Variants in CENPN observed in about 807,000 individuals in gnomAD.
CENPN encodes centromere protein N.
Under a neutral mutation model 48.6 loss-of-function variants are expected in CENPN, and 36 were observed. That is an observed-to-expected ratio of 0.74 (90% CI 0.57 to 0.98). The LOEUF is 0.98. Ranked by LOEUF, CENPN falls within the 50% of genes least tolerant of loss-of-function variation. The pLI is 0.00. For synonymous variants in CENPN, 166 were observed against 135.2 expected (o/e 1.23, Z -1.58); for missense variants, 439 against 399.2 (o/e 1.10, Z -0.85).
chr16:81,024,670 T>C (rs763973569), intron 7 of CENPN, 45 bp from the exon 8 acceptor site: 3 of 1,284,142 alleles, frequency 2.3e-6, no homozygotes, highest in Admixed American at 4.1e-5. Flanking sequence ...ATATCTGTAC[T>C]TCAAGATGTC....
In CENPN at chr16:81,020,191, C is replaced by G. The variant is rs972935746; in HGVS notation, c.446C>G (p.Pro149Arg). 2 of 1,614,000 alleles carry G rather than the reference C, an allele frequency of 1.2e-6. No individual in the cohort carries two copies. The highest frequency in any genetic ancestry group is 1.7e-6 in the Non-Finnish European group (2 of 1,179,994). The stretch of plus-strand genomic sequence containing the variant: ...TACACAAAGCCAAACCAGTACAAAC[C>G]TACCTACGTGGTGTACTACTCCCAG... ...TQYTKPNQYKPTYVVYYSQTP... is the reference protein window; with the variant it reads ...TQYTKPNQYKRTYVVYYSQTP... The change falls in exon 6 of 11, where the codon CCT becomes CGT. Residue 149 changes from proline to arginine, a missense_variant. Transcript: ENST00000305850.
chr16:81,020,259 A>T lies in CENPN; in HGVS notation c.514A>T (p.Thr172Ser). The change falls in exon 6 of 11, where the codon ACA becomes TCA. Residue 172 changes from threonine (T) to serine (S), a missense_variant. Thr to Ser is a moderately conservative substitution (Grantham distance 58). Transcript: ENST00000305850. ...GTCCTCCTCCATGCTGAGGCGCAATACACCGCTTCTGGGTCAGGTATGGAA... is the reference window on the plus strand; with the variant it reads ...GTCCTCCTCCATGCTGAGGCGCAATTCACCGCTTCTGGGTCAGGTATGGAA... ...FTSSSMLRRN[T>S]PLLGQALTIA... 6.2e-7 allele frequency: 1 copy of T among 1,610,062 alleles called. No homozygotes were observed. The highest frequency in any genetic ancestry group is 1.1e-5 in the South Asian group (1 of 89,828).
chr16:81,012,121 T>G lies in CENPN; in HGVS notation c.171+11T>G, dbSNP rs764398544. ...ATCCATCTGTGTGAGGTAACAGTGT[T>G]AAAAATGATGAGCCTTGAACAGAGT... On this transcript the variant is annotated intron_variant, in intron 2 of 10. Transcript: ENST00000305850. The G allele has an allele frequency of 3.7e-6, 6 of 1,612,738 alleles. No homozygotes were observed. The African/African-American group carries it at 6.7e-5, about 18-fold the overall frequency.
At chr16:81,032,247 A>G (rs902797809), downstream of CENPN, among the ~76,000 whole-genome samples, 2 of 152,236 alleles carry the variant, frequency 1.3e-5, no homozygotes, top group African/African-American at 2.4e-5. Context: ...ATAGAGCCAC[A>G]TATGGATGGA....
chr16:81,023,561 C>T (rs1271429097), intron 7 of CENPN: 1 of 152,080 alleles, frequency 6.6e-6, no homozygotes, highest in African/African-American at 2.4e-5. Flanking sequence ...ATTTTTTAAA[C>T]TTAGATCATG....
At position 81,012,009 on chromosome 16, in the gene CENPN, A is replaced by G. The variant is rs367832580; in HGVS notation, c.70A>G (p.Ile24Val). Residue 24 changes from isoleucine (I) to valine (V), a missense_variant, in exon 2 of 11, where the codon ATC becomes GTC. Coordinates refer to ENST00000305850, the MANE Select transcript of CENPN (RefSeq NM_001100624.3). ...LKIPMNELTTILKAWDFLSEN... is the reference protein window; with the variant it reads ...LKIPMNELTTVLKAWDFLSEN... ...AATCCCCATGAATGAACTGACAACA[A>G]TCCTGAAGGCCTGGGATTTTTTGTC... is the stretch of plus-strand genomic sequence containing the variant. 2.0e-5 allele frequency: 32 copies of G among 1,614,072 alleles called. No homozygotes were observed. The highest frequency in any genetic ancestry group is 3.3e-5 in the Admixed American group (2 of 60,010).
chr16:81,022,452 C>G, intron 6 of CENPN, 145 bp from the exon 7 acceptor site: 1 of 653,914 alleles, frequency 1.5e-6, no homozygotes, highest in Non-Finnish European at 2.6e-6. Context: ...AGCTCAGTAA[C>G]AGGCTATCAG....
intron 9 of CENPN, among the ~76,000 whole-genome samples, chr16:81,027,017 G>C (rs752650173): frequency 6.6e-6 from 1 of 151,788 alleles, no homozygotes; most frequent in African/African-American, 2.4e-5. Context: ...GACTGGTCTC[G>C]AACGGCTGGC....
intron 1 of CENPN, among the ~76,000 whole-genome samples, chr16:81,011,218 C>G (rs1347190565): frequency 6.6e-6 from 1 of 152,202 alleles, no homozygotes; most frequent in Admixed American, 6.5e-5. Flanking sequence ...CCACATGACT[C>G]CTTCTCCTAC....
rs373453845 is a variant in CENPN at position 81,019,207 on chromosome 16, C to G, written c.355-893C>G. Reference sequence around the variant, plus strand: ...ACATAGAAATCTTCTTTTTCTTCTTCTTTTTGTTTTGTTTTTGTTTTTTTT... The same window carrying G: ...ACATAGAAATCTTCTTTTTCTTCTTGTTTTTGTTTTGTTTTTGTTTTTTTT... On this transcript the variant is annotated intron_variant, in intron 5 of 10. Transcript: ENST00000305850. Among the ~76,000 whole-genome samples the G allele has an allele frequency of 2.2e-4, 34 of 151,940 alleles. No homozygotes were observed. The East Asian group carries it at 4.6e-3, about 21-fold the overall frequency.
At chr16:81,017,239 CCA>C in intron 3 of CENPN, 85 bp from the exon 4 acceptor site, 1 of 858,868 alleles carries the variant, frequency 1.2e-6, no homozygotes. Flanking sequence ...GTTACTTTCC[CCA>C]GTTTTAAAGT....
rs1188851089 is a variant in CENPN at position 81,026,577 on chromosome 16, G to A, written c.749G>A (p.Arg250Gln). The A allele has an allele frequency of 1.7e-5, 28 of 1,607,530 alleles. No individual in the cohort carries two copies. The highest frequency in any genetic ancestry group is 4.5e-5 in the East Asian group (2 of 44,616). Reference protein sequence around the residue: ...ENIVEKERVQRITQETFGDYP... With the variant: ...ENIVEKERVQQITQETFGDYP... ...ATAGTAGAAAAAGAGAGAGTCCAAC[G>A]AATAACTCAAGAAACATTTGGAGAT... The change falls in exon 9 of 11, where the codon CGA (arginine) becomes CAA (glutamine). Residue 250 changes from arginine (R) to glutamine (Q), a missense_variant. By Grantham distance (43) the Arg-to-Gln change is conservative. Transcript: ENST00000305850.
intron 6 of CENPN, 118 bp downstream of exon 6, chr16:81,020,394 G>T: frequency 9.9e-7 from 1 of 1,010,884 alleles, no homozygotes; most frequent in South Asian, 2.1e-5. Context: ...GCAGTGGCAT[G>T]TACCTGTGGT....
At chr16:81,026,067 A>ATGTGTG (rs537056825) in intron 8 of CENPN, among the ~76,000 whole-genome samples, 11,783 of 135,612 alleles carry the variant, frequency 0.087, 528 homozygotes, top group Middle Eastern at 0.12. Flanking sequence ...ATATATATAT[A>ATGTGTG]TATGTGTGTG....
At chr16:81,010,302 T>C (rs947818092) in intron 1 of CENPN, among the ~76,000 whole-genome samples, 10 of 152,160 alleles carry the variant, frequency 6.6e-5, no homozygotes, top group Non-Finnish European at 1.2e-4. Flanking sequence ...GTAGCAGACG[T>C]GAGATCAGCT....
At chr16:81,032,571 A>G, downstream of CENPN, 1 of 1,579,236 alleles carries the variant, frequency 6.3e-7, no homozygotes, top group African/African-American at 1.4e-5. Flanking sequence ...TTTTTTTAGC[A>G]CTTGTTTGCA....
At position 81,030,381 on chromosome 16, in the gene CENPN, T is replaced by C. The variant is rs1348477962; in HGVS notation, c.*1730T>C. ...GGTTTCTCCTAGTGTACTCTCACACTTCTGATACCAGATATGTGGGGGAGG... is the reference window on the plus strand; with the variant it reads ...GGTTTCTCCTAGTGTACTCTCACACCTCTGATACCAGATATGTGGGGGAGG... On this transcript the variant is annotated 3_prime_UTR_variant, in exon 11 of 11. Transcript: ENST00000305850. 1 of 985,022 alleles carries C rather than the reference T, an allele frequency of 1.0e-6. No individual in the cohort carries two copies. The allele number at this position is 985,022 out of a possible 1,614,324, so 61.0% of individuals were successfully genotyped here.
At chr16:81,008,494 C>T (rs896225987) in intron 1 of CENPN, among the ~76,000 whole-genome samples, 1 of 152,106 alleles carries the variant, frequency 6.6e-6, no homozygotes, top group African/African-American at 2.4e-5. Flanking sequence ...GCCTCAGCCT[C>T]CCGAGTAGCT....
At chr16:81,013,176 C>T (rs561597406) in intron 2 of CENPN, among the ~76,000 whole-genome samples, 1 of 152,130 alleles carries the variant, frequency 6.6e-6, no homozygotes, top group Non-Finnish European at 1.5e-5. Context: ...TGTTTCCATA[C>T]AGTGGATATA....
Sources: allele counts gnomAD v4.1 joint callset (sites outside exome capture counted in the v4.1 genomes callset), GRCh38; gene constraint gnomAD v4.1.1; transcripts MANE v1.5; gene names NCBI Gene and HGNC (gene_info 2026-07-23, HGNC 2026-07-21).